The following DCC variants were observed in gnomAD, a reference collection of about 807,000 sequenced individuals.
The protein encoded by DCC is DCC netrin 1 receptor.
DCC carries 58 observed loss-of-function variants against 172.5 expected under a neutral mutation model. The observed-to-expected ratio is 0.34, with a 90% CI of 0.27 to 0.42. The LOEUF (loss-of-function observed/expected upper bound fraction) is 0.42. DCC is among the 10% of genes least tolerant of loss of function. DCC has a pLI of 1.00. For synonymous variants in DCC, 709 were observed against 644.5 expected (o/e 1.10, Z -1.52); for missense variants, 1,740 against 1,791.0 (o/e 0.97, Z 0.51).
chr18:52,838,347 T>A (rs73956071), intron 2 of DCC, among the ~76,000 whole-genome samples: 7,424 of 152,214 alleles, frequency 0.049, 618 homozygotes, highest in African/African-American at 0.17. Context: ...AAGTAAGATA[T>A]ACTGAACATA....
chr18:52,853,462 C>A (rs35002729), intron 2 of DCC, among the ~76,000 whole-genome samples: 3 of 152,050 alleles, frequency 2.0e-5, no homozygotes, highest in East Asian at 3.9e-4. Flanking sequence ...TTTTATGAAA[C>A]GGTACACTTT....
chr18:52,895,071 G>A (rs941807790), intron 2 of DCC, among the ~76,000 whole-genome samples: 1 of 152,156 alleles, frequency 6.6e-6, no homozygotes, highest in Non-Finnish European at 1.5e-5. Context: ...CATGGAAGAA[G>A]AACCTTGATA....
Position 53,205,251 on chromosome 18 carries a change from G to A in DCC, c.1609G>A (p.Val537Ile). 1 of 1,613,350 alleles carries A rather than the reference G, an allele frequency of 6.2e-7. No homozygotes were observed. Among genetic ancestry groups the A allele is most frequent in the Admixed American group, 1.7e-5 (1 of 59,996 alleles). ...VPGPVENLQA[V>I]STSPTSILIT... ...AGGGCCAGTAGAAAACCTGCAAGCT[G>A]TATCTACCTCACCTACCTCAATTCT... Residue 537 changes from valine to isoleucine, a missense_variant, in exon 10 of 29, where the codon GTA (valine) becomes ATA (isoleucine). This residue lies in a region of DCC where 1,732 missense variants were observed against 1,767.4 expected (regional missense o/e 0.98). Coordinates refer to ENST00000442544, the MANE Select transcript of DCC (RefSeq NM_005215.4).
At chr18:52,680,092 T>G (rs1336973610) in intron 1 of DCC, among the ~76,000 whole-genome samples, 1 of 152,120 alleles carries the variant, frequency 6.6e-6, no homozygotes, top group Non-Finnish European at 1.5e-5. Flanking sequence ...AGGCGTAGAT[T>G]CATTCATAAA....
chr18:53,467,888 T>C lies in DCC; in HGVS notation c.3620-6T>C, dbSNP rs756322877. The C allele has an allele frequency of 5.3e-6, 8 of 1,496,202 alleles. No individual in the cohort carries two copies. In the South Asian group the frequency reaches 9.0e-5, roughly 17 times the overall value. The allele number at this position is 1,496,202 out of a possible 1,614,324, so 92.7% of individuals were successfully genotyped here. A position where few individuals can be genotyped will look rare whatever the true frequency, so the allele number is the denominator to read the frequency against. ...GGCATGTTTCTCAGGAGTGTGTATT[T>C]TTTAGGTCAAGACACTGAGGAAGCA... On this transcript the variant is annotated splice_region_variant and splice_polypyrimidine_tract_variant and intron_variant, in intron 24 of 28. Transcript: ENST00000442544.
intron 2 of DCC, among the ~76,000 whole-genome samples, chr18:52,800,809 C>T (rs1168881700): frequency 6.6e-6 from 1 of 152,156 alleles, no homozygotes; most frequent in African/African-American, 2.4e-5. Flanking sequence ...TATTGTTGCA[C>T]AGCAAACTAC....
chr18:53,277,284 A>G (rs2056816800), intron 12 of DCC, among the ~76,000 whole-genome samples: 1 of 152,128 alleles, frequency 6.6e-6, no homozygotes, highest in African/African-American at 2.4e-5. Context: ...AACCTGGCCA[A>G]CATGGTGAAA....
chr18:52,839,971 C>G (rs1315486550), intron 2 of DCC, among the ~76,000 whole-genome samples: 1 of 152,190 alleles, frequency 6.6e-6, no homozygotes, highest in African/African-American at 2.4e-5. Context: ...TTGGCTCTAG[C>G]CCAGTGGTCC....
chr18:53,442,697 G>A (rs1912348239), intron 22 of DCC, among the ~76,000 whole-genome samples: 1 of 152,224 alleles, frequency 6.6e-6, no homozygotes, highest in Non-Finnish European at 1.5e-5. Flanking sequence ...CTGAGAGCTA[G>A]ACCTCTTATG....
chr18:52,969,577 G>GCC (rs5824981), intron 5 of DCC, among the ~76,000 whole-genome samples: 13 of 72,726 alleles, frequency 1.8e-4, no homozygotes, highest in South Asian at 1.3e-3. Context: ...TATTTGCCCC[G>GCC]CCCCCCACTC....
chr18:52,926,028 C>A (rs1043454286), intron 5 of DCC, among the ~76,000 whole-genome samples: 8 of 151,714 alleles, frequency 5.3e-5, no homozygotes, highest in Non-Finnish European at 1.2e-4. Context: ...TTTATTTTAA[C>A]CAGTTTTATT....
At chr18:52,895,722 A>G (rs1230969244) in intron 2 of DCC, among the ~76,000 whole-genome samples, 1 of 152,226 alleles carries the variant, frequency 6.6e-6, no homozygotes. Context: ...TATTGAATAC[A>G]TATGTAACTT....
intron 5 of DCC, among the ~76,000 whole-genome samples, chr18:52,976,550 T>C (rs754836731): frequency 8.5e-5 from 13 of 152,232 alleles, no homozygotes; most frequent in Non-Finnish European, 1.5e-4. Flanking sequence ...GACTTCAATA[T>C]ATGAACTTTG....
At chr18:52,984,028 AACAAATAC>A (rs1326818504) in intron 5 of DCC, among the ~76,000 whole-genome samples, 7 of 152,144 alleles carry the variant, frequency 4.6e-5, no homozygotes, top group African/African-American at 7.2e-5. Flanking sequence ...CACACTATGG[AACAAATAC>A]ACAAATACTC....
chr18:53,339,245 C>G (rs1282048962), intron 14 of DCC, among the ~76,000 whole-genome samples: 1 of 152,142 alleles, frequency 6.6e-6, no homozygotes, highest in African/African-American at 2.4e-5. Context: ...CAGATCATGG[C>G]CCTTAACTGT....
chr18:52,586,872 G>A (rs1373263431), intron 1 of DCC, among the ~76,000 whole-genome samples: 2 of 152,162 alleles, frequency 1.3e-5, no homozygotes, highest in Non-Finnish European at 2.9e-5. Context: ...CCTTCAGGAT[G>A]ATGGGAAACA....
intron 2 of DCC, among the ~76,000 whole-genome samples, chr18:52,796,509 GT>G (rs2037880609): frequency 6.6e-6 from 1 of 152,072 alleles, no homozygotes; most frequent in Non-Finnish European, 1.5e-5. Context: ...CAGTCTATTG[GT>G]GACAAATTGC....
chr18:53,224,972 A>C (rs1198404824), intron 12 of DCC, among the ~76,000 whole-genome samples: 1 of 152,192 alleles, frequency 6.6e-6, no homozygotes, highest in Non-Finnish European at 1.5e-5. Flanking sequence ...CTACAGTTAG[A>C]AAAAATATGG....
intron 2 of DCC, among the ~76,000 whole-genome samples, chr18:52,904,520 T>C (rs918472332): frequency 1.3e-5 from 2 of 152,228 alleles, no homozygotes; most frequent in Non-Finnish European, 1.5e-5. Flanking sequence ...GCAAAATTTG[T>C]ATCAGGTTGT....
Sources: gnomAD v4.1 joint callset for allele counts (sites outside exome capture counted in the v4.1 genomes callset) on GRCh38, gnomAD v4.1.1 for gene constraint, gnomAD v4.1.1 regional missense constraint, MANE v1.5 for transcripts, NCBI Gene and HGNC (gene_info 2026-07-23, HGNC 2026-07-21) for gene names.